Variants in ULK4 observed in about 807,000 individuals in gnomAD.
The protein encoded by ULK4 is unc-51 like kinase 4, also known as inactive serine/threonine-protein kinase ULK4.
In ULK4, 133 loss-of-function variants were observed where a neutral mutation model predicts 160.6. The ratio of observed to expected loss-of-function variants is 0.83; its 90% CI spans 0.72 to 0.96. ULK4 has a LOEUF of 0.96. Among genes scored for constraint, ULK4 ranks in the 40% least tolerant of loss-of-function variants. The pLI is 0.00. For missense variants in ULK4, 1,580 were observed against 1,499.5 expected, an observed-to-expected ratio of 1.05 and a Z score of -0.89; for synonymous variants, 534 against 539.8, an observed-to-expected ratio of 0.99 and a Z score of 0.15.
rs185571306 is a variant in ULK4, at chr3:41,293,602, T to G, written c.3679-44028A>C. Among the ~76,000 whole-genome samples, 5 of 152,282 alleles carry G rather than the reference T, an allele frequency of 3.3e-5. No individual in the cohort carries two copies. The East Asian group carries it at 5.8e-4, about 18-fold the overall frequency. ...GAGCTTTGTAGTCTGATACCCTGGGTTGAAATCCTATCTCCACTGTTTCCT... is the reference window on the plus strand; with the variant it reads ...GAGCTTTGTAGTCTGATACCCTGGGGTGAAATCCTATCTCCACTGTTTCCT... On this transcript the variant is annotated intron_variant, in intron 35 of 36. Transcript: ENST00000301831.
intron 35 of ULK4, among the ~76,000 whole-genome samples, chr3:41,319,022 G>T (rs2080198163): frequency 6.6e-6 from 1 of 152,206 alleles, no homozygotes; most frequent in Non-Finnish European, 1.5e-5. Flanking sequence ...GGTCTGAAAA[G>T]ATATGATTAA....
At chr3:41,896,795 T>C in intron 15 of ULK4, 27 bp downstream of exon 15, 1 of 1,557,816 alleles carries the variant, frequency 6.4e-7, no homozygotes, top group Non-Finnish European at 8.7e-7. Flanking sequence ...CAAATTAAAA[T>C]GCATAAGGCA....
At chr3:41,802,624 G>A (rs982364510) in intron 19 of ULK4, among the ~76,000 whole-genome samples, 1 of 152,042 alleles carries the variant, frequency 6.6e-6, no homozygotes, top group Non-Finnish European at 1.5e-5. Flanking sequence ...AACCAGAAAT[G>A]ACAAAAATGT....
chr3:41,346,217 C>A (rs754103821), intron 35 of ULK4, among the ~76,000 whole-genome samples: 4 of 152,086 alleles, frequency 2.6e-5, no homozygotes, highest in African/African-American at 4.8e-5. Flanking sequence ...ATTGACTGAG[C>A]GTTTCACCTA....
At chr3:41,531,492 A>T (rs2086315406) in intron 32 of ULK4, among the ~76,000 whole-genome samples, 1 of 146,798 alleles carries the variant, frequency 6.8e-6, no homozygotes, top group Non-Finnish European at 1.5e-5. Flanking sequence ...AGAGGAGAGG[A>T]GAGAAGAAGA....
At chr3:41,487,927 C>T (rs901773970) in intron 32 of ULK4, among the ~76,000 whole-genome samples, 40 of 152,010 alleles carry the variant, frequency 2.6e-4, no homozygotes, top group Admixed American at 7.2e-4. Context: ...AAGACAAATA[C>T]CCCAGTTACC....
rs528214104 is a variant in ULK4 at position 41,819,240 on chromosome 3, G to C, written c.1848+183C>G. 3.9e-5 allele frequency among the ~76,000 whole-genome samples: 6 copies of C among 152,340 alleles called. No individual in the cohort carries two copies. In the South Asian group the frequency reaches 1.2e-3, roughly 32 times the overall value. On this transcript the variant is annotated intron_variant, in intron 19 of 36. Transcript: ENST00000301831. ...TTTAAACAAGTGAATGAGAAAGCTA[G>C]ATCATTTTTACACTTGCTCCACTGT...
At chr3:41,354,412 C>T (rs1250677390) in intron 35 of ULK4, among the ~76,000 whole-genome samples, 2 of 152,164 alleles carry the variant, frequency 1.3e-5, no homozygotes, top group African/African-American at 4.8e-5. Flanking sequence ...ATTGTATCCA[C>T]TATAAATCAA....
intron 17 of ULK4, 43 bp downstream of exon 17, chr3:41,883,831 T>G (rs748953483): frequency 6.8e-7 from 1 of 1,478,270 alleles, no homozygotes; most frequent in East Asian, 2.3e-5. Context: ...TCAAGAACAG[T>G]ATTTCTTGAC....
intron 34 of ULK4, among the ~76,000 whole-genome samples, chr3:41,450,305 T>G (rs565182268): frequency 6.6e-6 from 1 of 152,150 alleles, no homozygotes; most frequent in Non-Finnish European, 1.5e-5. Context: ...GGGTTTGAAG[T>G]TCCCCCTGAA....
At chr3:41,578,455 G>A (rs1213748688) in intron 31 of ULK4, among the ~76,000 whole-genome samples, 18 of 152,030 alleles carry the variant, frequency 1.2e-4, no homozygotes, top group Non-Finnish European at 5.9e-5. Flanking sequence ...CTCATTTTTG[G>A]CCACATAATG....
At chr3:41,519,875 G>A (rs1271849562) in intron 32 of ULK4, among the ~76,000 whole-genome samples, 1 of 152,052 alleles carries the variant, frequency 6.6e-6, no homozygotes, top group African/African-American at 2.4e-5. Context: ...CAAAATAGCT[G>A]GCTGTCCACA....
intron 1 of ULK4, among the ~76,000 whole-genome samples, chr3:41,958,675 C>A (rs1700565750): frequency 6.6e-6 from 1 of 150,520 alleles, no homozygotes; most frequent in Admixed American, 6.6e-5. Context: ...GAGATTGCAC[C>A]ATTGCACTCC....
chr3:41,709,433 C>T (rs2037014283), intron 25 of ULK4, among the ~76,000 whole-genome samples: 1 of 152,278 alleles, frequency 6.6e-6, no homozygotes, highest in East Asian at 1.9e-4. Flanking sequence ...TGTCACCAGG[C>T]TGGAGTGCAC....
chr3:41,884,343 T>C (rs1271117641), intron 16 of ULK4, among the ~76,000 whole-genome samples: 1 of 152,218 alleles, frequency 6.6e-6, no homozygotes, highest in Non-Finnish European at 1.5e-5. Flanking sequence ...ATCAATGAGT[T>C]TCTATGTAAG....
At chr3:41,434,401 T>G (rs1051335914) in intron 34 of ULK4, among the ~76,000 whole-genome samples, 16 of 152,204 alleles carry the variant, frequency 1.1e-4, no homozygotes, top group African/African-American at 3.4e-4. Context: ...ATACTATGAT[T>G]TCATTATATA....
At chr3:41,678,703 G>C (rs1031135229) in intron 29 of ULK4, among the ~76,000 whole-genome samples, 8 of 152,192 alleles carry the variant, frequency 5.3e-5, no homozygotes, top group Non-Finnish European at 1.2e-4. Flanking sequence ...TTCCCTGTGC[G>C]AAGTGGGGAG....
At chr3:41,796,525 G>A (rs2040305008) in intron 20 of ULK4, among the ~76,000 whole-genome samples, 1 of 152,132 alleles carries the variant, frequency 6.6e-6, no homozygotes, top group Non-Finnish European at 1.5e-5. Context: ...CCAGGAGGCA[G>A]AGGTTGCAGT....
chr3:41,724,701 C>T (rs373321061), intron 22 of ULK4, among the ~76,000 whole-genome samples: 92 of 151,856 alleles, frequency 6.1e-4, no homozygotes, highest in Non-Finnish European at 7.2e-4. Flanking sequence ...CCAGCCTGGG[C>T]GACAGAGTGA....
Sources: allele counts gnomAD v4.1 joint callset (sites outside exome capture counted in the v4.1 genomes callset), GRCh38; gene constraint gnomAD v4.1.1; transcripts MANE v1.5; gene names NCBI Gene and HGNC (gene_info 2026-07-23, HGNC 2026-07-21).